SCAF1: variants seen among roughly 807,000 people sequenced by gnomAD.
SCAF1 encodes the protein SR-related CTD associated factor 1.
SCAF1 carries 28 observed loss-of-function variants against 91.2 expected under a neutral mutation model. The observed-to-expected ratio is 0.31, with a 90% CI of 0.23 to 0.42. The LOEUF is 0.42. SCAF1 is among the 10% of genes least tolerant of loss of function. The pLI, the probability that SCAF1 is intolerant of heterozygous loss-of-function variation, is 1.00. For synonymous variants in SCAF1, 1,036 were observed against 833.7 expected (o/e 1.24, Z -4.18); for missense variants, 1,893 against 1,872.1 (o/e 1.01, Z -0.21).
rs2122459085 is a variant in SCAF1 at position 49,646,540 on chromosome 19, C to T, written c.276C>T (p.Ala92=). Residue 92 remains alanine, a synonymous_variant, in exon 5 of 11, where the codon GCC becomes GCT. Transcript: ENST00000360565. This position sits in a 1 kb window ranked among gnomAD's most constrained non-coding sequence, Gnocchi z 5.6. ...GCCTCTTCCAGGTGTTGGACATGGC[C>T]ACGGACAGCTTCCTCGCAGGGCTGG... ...GTDTATVLDM[A]TDSFLAGLVS... is the part of the protein sequence containing the mutation. 2 of 1,614,008 alleles carry T rather than the reference C, an allele frequency of 1.2e-6. No homozygotes were observed. Among genetic ancestry groups the T allele is most frequent in the South Asian group, 1.1e-5 (1 of 91,076 alleles).
In SCAF1 at chr19:49,651,712, C is replaced by T. The variant is rs2081092242; in HGVS notation, c.1323C>T (p.Pro441=). ...CTCAGCCTCCCGCTCCGCGGGCCCC[C>T]GAGGGGGACGACTTCTTGTCCCTGC... ...PLPQPPAPRA[P]EGDDFLSLHA... is the part of the protein sequence containing the mutation. The change falls in exon 7 of 11, where the codon CCC becomes CCT. Residue 441 remains proline, a synonymous_variant. Transcript: ENST00000360565. 1.4e-6 allele frequency: 2 copies of T among 1,380,042 alleles called. No individual in the cohort carries two copies. The highest frequency in any genetic ancestry group is 3.1e-5 in the East Asian group (1 of 32,616). 85.5% of individuals were successfully genotyped at this position (1,380,042 alleles called of 1,614,324 possible).
chr19:49,645,117 CCTT>C lies in SCAF1; in HGVS notation c.94_96del (p.Ser32del), dbSNP rs2081047241. 6.2e-7 allele frequency: 1 copy of C among 1,614,058 alleles called. No homozygotes were observed. The highest frequency in any genetic ancestry group is 8.5e-7 in the Non-Finnish European group (1 of 1,179,950). On this transcript the variant is annotated inframe_deletion, in exon 2 of 11. Coordinates refer to ENST00000360565, the MANE Select transcript of SCAF1 (RefSeq NM_021228.3). The surrounding 1 kb of genome is among the most constrained non-coding windows in gnomAD (Gnocchi z 4.6). ...GCCAGACAGAGACCCCACGCTTTCT[CCTT>C]CTGCCTTTATCCTGGTGAGGCTGCT...
chr19:49,651,166 CTCA>C lies in SCAF1; in HGVS notation c.781_783del (p.Ser261del), dbSNP rs758566250. On this transcript the variant is annotated inframe_deletion, in exon 7 of 11. Transcript: ENST00000360565. ...TTGAGCCCACCGGCTCCAACCCCAG[CTCA>C]TCAGCGGGGACCCCCTCACCTGAGG... 5.0e-6 allele frequency: 8 copies of C among 1,613,128 alleles called. No individual in the cohort carries two copies. The highest frequency in any genetic ancestry group is 1.3e-5 in the African/African-American group (1 of 74,632).
At chr19:49,656,712 C>A (rs999370869) in intron 9 of SCAF1, among the ~76,000 whole-genome samples, 1 of 152,180 alleles carries the variant, frequency 6.6e-6, no homozygotes, top group Non-Finnish European at 1.5e-5. Flanking sequence ...GTCCCTGTTG[C>A]GTCCTCCCCT....
At chr19:49,648,969 CAAA>C (rs71180644) in intron 6 of SCAF1, among the ~76,000 whole-genome samples, 6 of 63,938 alleles carry the variant, frequency 9.4e-5, no homozygotes, top group Non-Finnish European at 1.3e-4. Context: ...GACTCCCTCT[CAAA>C]AAAAAAAAAA....
chr19:49,647,639 T>C (rs1021524749), intron 6 of SCAF1, among the ~76,000 whole-genome samples: 5 of 152,198 alleles, frequency 3.3e-5, no homozygotes, highest in Admixed American at 6.5e-5. Flanking sequence ...TGCCAGGTCA[T>C]GTTTACCTTG....
chr19:49,658,146 A>G, intron 10 of SCAF1, 62 bp from the exon 11 acceptor site: 2 of 1,531,190 alleles, frequency 1.3e-6, no homozygotes, highest in Non-Finnish European at 1.8e-6. Flanking sequence ...TGCGCCCAAC[A>G]GTCCTGGGTG....
chr19:49,650,320 C>G (rs1012056370), intron 6 of SCAF1, among the ~76,000 whole-genome samples: 1 of 152,154 alleles, frequency 6.6e-6, no homozygotes, highest in Non-Finnish European at 1.5e-5. Flanking sequence ...GAAACTCCCA[C>G]GAGAGGCAGC....
chr19:49,648,560 A>ACC (rs59176255), intron 6 of SCAF1, among the ~76,000 whole-genome samples: 6,714 of 116,176 alleles, frequency 0.058, 228 homozygotes, highest in East Asian at 0.11. Flanking sequence ...TGCCTGCCAC[A>ACC]CCCCCCCCCC....
At position 49,654,877 on chromosome 19, in the gene SCAF1, T is replaced by C. The variant is rs371079817; in HGVS notation, c.3618+7T>C. On this transcript the variant is annotated splice_region_variant and intron_variant, in intron 9 of 10. Transcript: ENST00000360565. Reference sequence around the variant, plus strand: ...CCGTGGGGACACAGATAAGGTGAGCTGGCCTGGGGAGAGGTGGGGCGGTGC... The same window carrying C: ...CCGTGGGGACACAGATAAGGTGAGCCGGCCTGGGGAGAGGTGGGGCGGTGC... 3 of 1,568,208 alleles carry C rather than the reference T, an allele frequency of 1.9e-6. No individual in the cohort carries two copies. The highest frequency in any genetic ancestry group is 2.7e-5 in the African/African-American group (2 of 73,566).
Position 49,653,128 on chromosome 19 carries a change from G to A in SCAF1, c.2739G>A (p.Gly913=), listed in dbSNP as rs773676535. Residue 913 remains glycine (G), a synonymous_variant, in exon 7 of 11, where the codon GGG becomes GGA. Transcript: ENST00000360565. Reference sequence around the variant, plus strand: ...AGGCAGGGGCCAAGAAAACCAAGGGGACCAAGGGAAAGACCAAGCCATCCA... The same window carrying A: ...AGGCAGGGGCCAAGAAAACCAAGGGAACCAAGGGAAAGACCAAGCCATCCA... ...KAKAGAKKTK[G]TKGKTKPSKT... is the part of the protein sequence containing the mutation. 16 of 1,610,958 alleles carry A rather than the reference G, an allele frequency of 9.9e-6. No individual in the cohort carries two copies. In the South Asian group the frequency reaches 1.5e-4, roughly 16 times the overall value.
chr19:49,648,096 C>G (rs1198300809), intron 6 of SCAF1, among the ~76,000 whole-genome samples: 1 of 151,604 alleles, frequency 6.6e-6, no homozygotes, highest in Non-Finnish European at 1.5e-5. Flanking sequence ...CCATGCCTGG[C>G]TAGTTTTTTT....
intron 9 of SCAF1, among the ~76,000 whole-genome samples, chr19:49,655,688 A>T (rs1272362894): frequency 6.6e-6 from 1 of 152,040 alleles, no homozygotes; most frequent in African/African-American, 2.4e-5. Flanking sequence ...TTTTTGAGAC[A>T]GGGTCTCGCT....
rs2081164086 is a variant in SCAF1 at position 49,658,579 on chromosome 19, C to T, written c.*180C>T. ...CCTCCCTTGCCCCCAAGCCTGTCCC[C>T]AGTGCCCCTCCCTTCTGTTTGTGCC... On this transcript the variant is annotated 3_prime_UTR_variant, in exon 11 of 11. Transcript: ENST00000360565. 3 of 611,628 alleles carry T rather than the reference C, an allele frequency of 4.9e-6. No homozygotes were observed. The highest frequency in any genetic ancestry group is 8.7e-6 in the Non-Finnish European group (3 of 345,814). The allele number at this position is 611,628 out of a possible 1,614,324, so 37.9% of individuals were successfully genotyped here. A position where few individuals can be genotyped will look rare whatever the true frequency, so the allele number is the denominator to read the frequency against.
Position 49,646,133 on chromosome 19 carries a change from A to G in SCAF1, c.192A>G (p.Arg64=), listed in dbSNP as rs747358967. 3.7e-6 allele frequency: 6 copies of G among 1,611,318 alleles called. No homozygotes were observed. In the African/African-American group the frequency reaches 8.0e-5, roughly 22 times the overall value. ...DKDGSRCHGL[R]WRRCRSPRSE... Reference sequence around the variant, plus strand: ...ATGGCTCTCGGTGTCATGGCCTTCGATGGCGGCGCTGCCGGAGTCCACGGT... The same window carrying G: ...ATGGCTCTCGGTGTCATGGCCTTCGGTGGCGGCGCTGCCGGAGTCCACGGT... The change falls in exon 4 of 11, where the codon CGA becomes CGG. Residue 64 remains arginine, a synonymous_variant. Transcript: ENST00000360565. The surrounding 1 kb of genome is among the most constrained non-coding windows in gnomAD (Gnocchi z 5.6).
chr19:49,643,996 A>G lies in SCAF1; in HGVS notation c.-6-1025A>G, dbSNP rs999233626. 3.3e-5 allele frequency among the ~76,000 whole-genome samples: 5 copies of G among 152,214 alleles called. No individual in the cohort carries two copies. The East Asian group carries it at 9.6e-4, about 29-fold the overall frequency. On this transcript the variant is annotated intron_variant, in intron 1 of 10. Transcript: ENST00000360565. ...GGAAACCTGGGCGTTAAGGGCTAAT[A>G]GTGTCATTCCTCTTCATCCGTATTG...
At position 49,653,138 on chromosome 19, in the gene SCAF1, A is replaced by G; in HGVS notation, c.2749A>G (p.Lys917Glu). Residue 917 changes from lysine to glutamate, a missense_variant, in exon 7 of 11, where the codon AAG (lysine) becomes GAG (glutamate). Transcript: ENST00000360565. ...CAAGAAAACCAAGGGGACCAAGGGA[A>G]AGACCAAGCCATCCAAGACCAGGAA... is the stretch of plus-strand genomic sequence containing the variant. ...GAKKTKGTKG[K>E]TKPSKTRKKV... is the part of the protein sequence containing the mutation. 1 of 1,610,176 alleles carries G rather than the reference A, an allele frequency of 6.2e-7. No homozygotes were observed. Among genetic ancestry groups the G allele is most frequent in the Non-Finnish European group, 8.5e-7 (1 of 1,178,344 alleles).
Position 49,653,549 on chromosome 19 carries a change from GC to G in SCAF1, c.3164del (p.Pro1055GlnfsTer52). The G allele has an allele frequency of 6.3e-7, 1 of 1,582,360 alleles. No homozygotes were observed. The highest frequency in any genetic ancestry group is 2.3e-5 in the East Asian group (1 of 44,298). On this transcript the variant is annotated frameshift_variant, in exon 7 of 11. Transcript: ENST00000360565. LOFTEE classifies it high-confidence loss of function. ...TTTATSTAAAAPSTAPSAGST... is the reference protein window; with the variant it reads ...TTTATSTAAAXPSTAPSAGST... Reference sequence around the variant, plus strand: ...CACGGCCACCAGCACTGCTGCAGCCGCCCCAAGCACTGCCCCCAGCGCGGGG... The same window carrying G: ...CACGGCCACCAGCACTGCTGCAGCCGCCCAAGCACTGCCCCCAGCGCGGGG...
Position 49,645,536 on chromosome 19 carries a change from A to G in SCAF1, c.166+125A>G. ...CCTTGTGCTGGCATGGGGAGCCAAA[A>G]ATGGGCAGACACCCTGTAGCTGCCT... On this transcript the variant is annotated intron_variant, in intron 3 of 10. Transcript: ENST00000360565. This position sits in a 1 kb window ranked among gnomAD's most constrained non-coding sequence, Gnocchi z 4.6. 1.1e-6 allele frequency: 1 copy of G among 944,060 alleles called. No individual in the cohort carries two copies. Among genetic ancestry groups the G allele is most frequent in the Non-Finnish European group, 1.6e-6 (1 of 623,136 alleles). The allele number at this position is 944,060 out of a possible 1,614,324, so 58.5% of individuals were successfully genotyped here.
Sources: gnomAD v4.1 joint callset for allele counts (sites outside exome capture counted in the v4.1 genomes callset) on GRCh38, gnomAD v4.1.1 for gene constraint, Gnocchi (gnomAD v3.1) non-coding constraint, MANE v1.5 for transcripts, NCBI Gene and HGNC (gene_info 2026-07-23, HGNC 2026-07-21) for gene names.